Variants in TBCD observed in about 807,000 individuals in gnomAD.
TBCD encodes the protein tubulin-specific chaperone D.
Under a neutral mutation model 169.3 loss-of-function variants are expected in TBCD, and 105 were observed. The ratio of observed to expected loss-of-function variants is 0.62; its 90% CI spans 0.53 to 0.73. TBCD has a LOEUF of 0.73. TBCD is among the 30% of genes least tolerant of loss of function. The pLI is 0.00. For synonymous variants in TBCD, 700 were observed against 643.9 expected (o/e 1.09, Z -1.32); for missense variants, 1,444 against 1,600.1 (o/e 0.90, Z 1.66).
At position 82,831,317 on chromosome 17, in the gene TBCD, G is replaced by T; in HGVS notation, c.1318+16383G>T. On this transcript the variant is annotated intron_variant, in intron 13 of 38. Transcript: ENST00000355528. This position sits in a 1 kb window ranked among gnomAD's most constrained non-coding sequence, Gnocchi z 4.6. The stretch of plus-strand genomic sequence containing the variant: ...GAGGAGTCTTTAGCCTCAGGAATTG[G>T]ACTTTCGAACTCGACGTGTTTTCTG... 2 of 1,614,012 alleles carry T rather than the reference G, an allele frequency of 1.2e-6. No individual in the cohort carries two copies. Among genetic ancestry groups the T allele is most frequent in the Non-Finnish European group, 1.7e-6 (2 of 1,180,018 alleles).
At chr17:82,802,149 T>A (rs2050618116) in intron 9 of TBCD, among the ~76,000 whole-genome samples, 1 of 150,174 alleles carries the variant, frequency 6.7e-6, no homozygotes, top group Non-Finnish European at 1.5e-5. Flanking sequence ...ACCGCCTTTC[T>A]TGCTGGCAGA....
At chr17:82,830,515 T>A (rs2053396017) in intron 13 of TBCD, 1 of 1,613,894 alleles carries the variant, frequency 6.2e-7, no homozygotes, top group Admixed American at 1.7e-5. Context: ...GCTGCCTGGC[T>A]TGGTCTCAGG....
chr17:82,797,574 A>G lies in TBCD; in HGVS notation c.772-183A>G, dbSNP rs2050190077. ...CTATTTTCAGATGAATTTTTGGGAG[A>G]TGATTTCACTAGTCTCTTATAATTA... On this transcript the variant is annotated intron_variant, in intron 7 of 38. Coordinates refer to ENST00000355528, the MANE Select transcript of TBCD (RefSeq NM_005993.5). Among the ~76,000 whole-genome samples, 5 of 152,142 alleles carry G rather than the reference A, an allele frequency of 3.3e-5. No individual in the cohort carries two copies. In the South Asian group the frequency reaches 1.0e-3, roughly 32 times the overall value.
At chr17:82,933,626 T>G (rs2062392336) in intron 34 of TBCD, among the ~76,000 whole-genome samples, 1 of 151,400 alleles carries the variant, frequency 6.6e-6, no homozygotes, top group Non-Finnish European at 1.5e-5. Context: ...GCTTTTTTTT[T>G]GTTTGTTTTG....
chr17:82,788,648 T>C (rs2049481143), intron 7 of TBCD, among the ~76,000 whole-genome samples: 1 of 152,164 alleles, frequency 6.6e-6, no homozygotes, highest in Non-Finnish European at 1.5e-5. Context: ...GCTCGGCCCT[T>C]GTGAAGAGAG....
At chr17:82,753,019 C>T (rs758256389) in intron 1 of TBCD, among the ~76,000 whole-genome samples, 8 of 152,168 alleles carry the variant, frequency 5.3e-5, no homozygotes, top group Non-Finnish European at 1.2e-4. Flanking sequence ...CTAAATTCTC[C>T]GAGTTCAGAC....
intron 14 of TBCD, among the ~76,000 whole-genome samples, chr17:82,875,070 T>G (rs565844352): frequency 5.3e-5 from 8 of 152,214 alleles, no homozygotes; most frequent in Non-Finnish European, 7.3e-5. Context: ...TGGCTCACTT[T>G]TTCTAATTGG....
chr17:82,918,404 C>T (rs8080847), intron 23 of TBCD: 38,811 of 151,988 alleles, frequency 0.26, 4,951 homozygotes, highest in Middle Eastern at 0.31. Flanking sequence ...CTCGTATGGT[C>T]GTGGCATTTC....
chr17:82,796,904 G>C (rs1236776275), intron 7 of TBCD, among the ~76,000 whole-genome samples: 2 of 152,246 alleles, frequency 1.3e-5, no homozygotes, highest in African/African-American at 4.8e-5. Context: ...GGCGGCACCT[G>C]CTTCTTCATT....
intron 11 of TBCD, among the ~76,000 whole-genome samples, chr17:82,808,412 A>C (rs1325816833): frequency 1.9e-5 from 2 of 104,242 alleles, no homozygotes; most frequent in Non-Finnish European, 3.8e-5. Context: ...GGAGAGGATG[A>C]GGCAGGTGCG....
At chr17:82,758,400 A>AAAATAAATAAAT (rs1555672642) in intron 2 of TBCD, among the ~76,000 whole-genome samples, 4,719 of 100,150 alleles carry the variant, frequency 0.047, 273 homozygotes, top group South Asian at 0.074. Context: ...AAAAAAAAAA[A>AAAATAAATAAAT]AAATAAATAA....
At position 82,937,769 on chromosome 17, in the gene TBCD, C is replaced by T. The variant is rs1485142689; in HGVS notation, c.3282-280C>T. ...TAGGCACCTTGGCTGCTCTGTGGCT[C>T]CTTGAGGTGGGGGTCCTCATGGCAG... On this transcript the variant is annotated intron_variant, in intron 35 of 38. Transcript: ENST00000355528. 2.4e-5 allele frequency: 27 copies of T among 1,146,678 alleles called. No individual in the cohort carries two copies. In the South Asian group the frequency reaches 4.3e-4, roughly 18 times the overall value. The allele number at this position is 1,146,678 out of a possible 1,614,324, so 71.0% of individuals were successfully genotyped here. A position where few individuals can be genotyped will look rare whatever the true frequency, so the allele number is the denominator to read the frequency against.
Position 82,833,200 on chromosome 17 carries a change from G to C in TBCD, c.1318+18266G>C, listed in dbSNP as rs1250064659. Among the ~76,000 whole-genome samples the C allele has an allele frequency of 1.3e-5, 2 of 152,034 alleles. No homozygotes were observed. Among genetic ancestry groups the C allele is most frequent in the Admixed American group, 6.5e-5 (1 of 15,268 alleles). ...AGAGTGCCCCTCACTTTTACACAGA[G>C]CGTGGGCTGGCCACCGTCTACTTGC... On this transcript the variant is annotated intron_variant, in intron 13 of 38. Transcript: ENST00000355528. The surrounding 1 kb of genome is among the most constrained non-coding windows in gnomAD (Gnocchi z 4.7).
intron 13 of TBCD, among the ~76,000 whole-genome samples, chr17:82,854,565 C>T (rs556917363): frequency 6.6e-6 from 1 of 152,258 alleles, no homozygotes; most frequent in South Asian, 2.1e-4. Flanking sequence ...TGTACAGATA[C>T]TGTTGAAAAT....
In TBCD at chr17:82,900,722, A is replaced by G; in HGVS notation, c.1721A>G (p.His574Arg). 6.2e-7 allele frequency: 1 copy of G among 1,613,800 alleles called. No homozygotes were observed. Among genetic ancestry groups the G allele is most frequent in the Non-Finnish European group, 8.5e-7 (1 of 1,179,680 alleles). The change falls in exon 18 of 39, where the codon CAC (histidine) becomes CGC (arginine). Residue 574 changes from histidine to arginine, a missense_variant. Coordinates refer to ENST00000355528, the MANE Select transcript of TBCD (RefSeq NM_005993.5). ...CACCTGGTTACCATGAAGATCAGCC[A>G]CTGGGATGGGTAGGTTTTCTGTTTT... is the stretch of plus-strand genomic sequence containing the variant. ...IDHLVTMKISHWDGVIRELAA... is the reference protein window; with the variant it reads ...IDHLVTMKISRWDGVIRELAA...
At position 82,831,128 on chromosome 17, in the gene TBCD, C is replaced by T. The variant is rs761450879; in HGVS notation, c.1318+16194C>T. 5 of 1,614,002 alleles carry T rather than the reference C, an allele frequency of 3.1e-6. No homozygotes were observed. In the African/African-American group the frequency reaches 4.0e-5, roughly 13 times the overall value. ...CTTTGCTCTGGCGGGTAGAGTCTTC[C>T]CAGTGCGCTGGAGGCTGCCTTGTTG... On this transcript the variant is annotated intron_variant, in intron 13 of 38. Transcript: ENST00000355528. This position sits in a 1 kb window ranked among gnomAD's most constrained non-coding sequence, Gnocchi z 4.6.
At chr17:82,907,969 T>C in intron 21 of TBCD, 148 bp downstream of exon 21, 1 of 816,950 alleles carries the variant, frequency 1.2e-6, no homozygotes, top group South Asian at 1.7e-5. Flanking sequence ...TGCGGTGTGA[T>C]CACTCTGGGA....
At chr17:82,786,886 C>G (rs185252879) in intron 7 of TBCD, among the ~76,000 whole-genome samples, 8 of 78,622 alleles carry the variant, frequency 1.0e-4, no homozygotes, top group African/African-American at 3.7e-4. Flanking sequence ...GTTTTCTGTT[C>G]TTCCATCCCA....
rs1173031321 is a variant in TBCD, at chr17:82,923,663, C to G, written c.2190C>G (p.Val730=). 2 of 1,581,166 alleles carry G rather than the reference C, an allele frequency of 1.3e-6. No individual in the cohort carries two copies. The highest frequency in any genetic ancestry group is 1.7e-6 in the Non-Finnish European group (2 of 1,163,086). ...TGCCTTTGTTTTAGGATGCAGCAGT[C>G]TCGGCCCTGGCTGCTCTATGCAGTG... ...HSRQQMKDAA[V]SALAALCSEY... is the part of the protein sequence containing the mutation. The change falls in exon 26 of 39, where the codon GTC becomes GTG. Residue 730 remains valine (V), a synonymous_variant. Coordinates refer to ENST00000355528, the MANE Select transcript of TBCD (RefSeq NM_005993.5). This position sits in a 1 kb window ranked among gnomAD's most constrained non-coding sequence, Gnocchi z 4.6.
Sources: allele counts gnomAD v4.1 joint callset (sites outside exome capture counted in the v4.1 genomes callset), GRCh38; gene constraint gnomAD v4.1.1; non-coding constraint Gnocchi (gnomAD v3.1); transcripts MANE v1.5; gene names NCBI Gene and HGNC (gene_info 2026-07-23, HGNC 2026-07-21).